The following RSRC1 variants were observed in gnomAD, a reference collection of about 807,000 sequenced individuals.
RSRC1 encodes arginine and serine rich coiled-coil 1.
A neutral mutation model predicts 49.1 loss-of-function variants in RSRC1; 39 were observed. The ratio of observed to expected loss-of-function variants is 0.79; its 90% CI spans 0.61 to 1.04. The LOEUF is 1.04. Among genes scored for constraint, RSRC1 ranks in the 50% least tolerant of loss-of-function variants. RSRC1 has a pLI of 0.00. For missense variants in RSRC1, 388 were observed against 402.4 expected (o/e 0.96, Z 0.31); for synonymous variants, 143 against 130.8 (o/e 1.09, Z -0.63).
At chr3:158,365,330 CAT>C (rs1326937882) in intron 6 of RSRC1, among the ~76,000 whole-genome samples, 1 of 151,726 alleles carries the variant, frequency 6.6e-6, no homozygotes, top group Non-Finnish European at 1.5e-5. Flanking sequence ...CCCGGTGTGT[CAT>C]GTTCCCCTCC....
intron 1 of RSRC1, among the ~76,000 whole-genome samples, chr3:158,118,569 A>G (rs911964446): frequency 3.9e-5 from 6 of 151,998 alleles, no homozygotes; most frequent in African/African-American, 1.5e-4. Flanking sequence ...ATCCTGTCAT[A>G]TGCATCTGAG....
At chr3:158,236,377 C>G (rs9830809) in intron 4 of RSRC1, among the ~76,000 whole-genome samples, 2,896 of 152,272 alleles carry the variant, frequency 0.019, 37 homozygotes, top group Middle Eastern at 0.048. Context: ...ATGCACAGAT[C>G]TTACATATAG....
At chr3:158,329,433 G>GT (rs1216811070) in intron 5 of RSRC1, among the ~76,000 whole-genome samples, 2 of 152,288 alleles carry the variant, frequency 1.3e-5, no homozygotes, top group African/African-American at 4.8e-5. Context: ...TGTCCTTTCT[G>GT]TTTGTTAGTT....
At chr3:158,407,222 TA>T (rs1310256047) in intron 6 of RSRC1, among the ~76,000 whole-genome samples, 1 of 152,168 alleles carries the variant, frequency 6.6e-6, no homozygotes, top group African/African-American at 2.4e-5. Context: ...AATTTAAACA[TA>T]TTTGCCAGAA....
intron 7 of RSRC1, among the ~76,000 whole-genome samples, chr3:158,516,842 G>T (rs1050153454): frequency 3.3e-5 from 5 of 152,232 alleles, no homozygotes; most frequent in African/African-American, 9.6e-5. Context: ...GTATTCAGGT[G>T]GGAGTGACCC....
chr3:158,119,933 C>T (rs747381743), intron 1 of RSRC1, among the ~76,000 whole-genome samples: 1 of 146,806 alleles, frequency 6.8e-6, no homozygotes, highest in Admixed American at 7.0e-5. Context: ...CAGGTTCAAG[C>T]GATTCTCCTG....
At chr3:158,277,476 A>G (rs926565541) in intron 4 of RSRC1, among the ~76,000 whole-genome samples, 55 of 152,184 alleles carry the variant, frequency 3.6e-4, no homozygotes, top group African/African-American at 1.3e-3. Flanking sequence ...ATTGAAGTAG[A>G]AGCTCCTCAA....
chr3:158,128,051 C>G (rs1578112535), intron 3 of RSRC1, among the ~76,000 whole-genome samples: 2 of 152,206 alleles, frequency 1.3e-5, no homozygotes, highest in Non-Finnish European at 2.9e-5. Context: ...CAGTCTCTGT[C>G]TTTGGTACTG....
chr3:158,375,174 A>C (rs1294638882), intron 6 of RSRC1, among the ~76,000 whole-genome samples: 13 of 75,138 alleles, frequency 1.7e-4, no homozygotes, highest in African/African-American at 7.3e-4. Context: ...TATTATTATT[A>C]TTATTATTAT....
At chr3:158,149,471 G>T (rs1717386219) in intron 3 of RSRC1, among the ~76,000 whole-genome samples, 1 of 152,138 alleles carries the variant, frequency 6.6e-6, no homozygotes, top group Admixed American at 6.6e-5. Context: ...AGCTTGATAG[G>T]GGATGTGGGA....
intron 6 of RSRC1, among the ~76,000 whole-genome samples, chr3:158,422,113 T>C (rs1350048011): frequency 6.6e-6 from 1 of 151,542 alleles, no homozygotes; most frequent in Non-Finnish European, 1.5e-5. Context: ...TTAGGGTACA[T>C]GTGCACAATG....
At chr3:158,272,590 G>GT (rs755479493) in intron 4 of RSRC1, among the ~76,000 whole-genome samples, 1 of 151,872 alleles carries the variant, frequency 6.6e-6, no homozygotes, top group African/African-American at 2.4e-5. Context: ...TACTAGTATT[G>GT]TTTTTTCCAG....
chr3:158,238,522 T>G (rs1240287878), intron 4 of RSRC1, among the ~76,000 whole-genome samples: 2 of 152,224 alleles, frequency 1.3e-5, no homozygotes, highest in East Asian at 1.9e-4. Context: ...AACAGAGATA[T>G]AGACCAATGG....
intron 7 of RSRC1, among the ~76,000 whole-genome samples, chr3:158,470,033 T>A (rs1738056060): frequency 6.6e-6 from 1 of 151,984 alleles, no homozygotes; most frequent in African/African-American, 2.4e-5. Context: ...CATAATCTCT[T>A]TGCCCCTAAG....
At position 158,434,092 on chromosome 3, in the gene RSRC1, C is replaced by T. The variant is rs190053215; in HGVS notation, c.584-26843C>T. Among the ~76,000 whole-genome samples the T allele has an allele frequency of 7.9e-5, 12 of 152,048 alleles. No homozygotes were observed. The East Asian group carries it at 2.1e-3, about 27-fold the overall frequency. ...AGCAGCTCAGATCACAATTAGATCA[C>T]TGCTATGCTAAAACTAAAATCCAGT... is the stretch of plus-strand genomic sequence containing the variant. On this transcript the variant is annotated intron_variant, in intron 6 of 9. Coordinates refer to ENST00000611884, the MANE Select transcript of RSRC1 (RefSeq NM_001271838.2).
intron 6 of RSRC1, among the ~76,000 whole-genome samples, chr3:158,423,796 C>T (rs867717515): frequency 4.7e-4 from 72 of 151,980 alleles, no homozygotes; most frequent in African/African-American, 1.6e-3. Context: ...CTTCACATCC[C>T]TTGTAAGTTG....
chr3:158,524,080 A>G (rs2108492634), intron 7 of RSRC1, among the ~76,000 whole-genome samples: 1 of 152,174 alleles, frequency 6.6e-6, no homozygotes, highest in East Asian at 1.9e-4. Flanking sequence ...CAATTCTTTG[A>G]AGAATTTCAT....
intron 5 of RSRC1, among the ~76,000 whole-genome samples, chr3:158,343,838 A>G (rs1043087659): frequency 2.6e-5 from 4 of 152,222 alleles, no homozygotes; most frequent in East Asian, 1.9e-4. Flanking sequence ...GTAGCCAACC[A>G]TACAATATAC....
chr3:158,219,172 T>C (rs981318931), intron 4 of RSRC1, among the ~76,000 whole-genome samples: 6 of 151,668 alleles, frequency 4.0e-5, no homozygotes, highest in Admixed American at 2.0e-4. Context: ...TATTATATGT[T>C]TAGGAAACCA....
Sources: allele counts gnomAD v4.1 joint callset (sites outside exome capture counted in the v4.1 genomes callset), GRCh38; gene constraint gnomAD v4.1.1; transcripts MANE v1.5; gene names NCBI Gene and HGNC (gene_info 2026-07-23, HGNC 2026-07-21).